Variants in UNC5D observed in about 807,000 individuals in gnomAD.
UNC5D encodes netrin receptor UNC5D.
UNC5D carries 39 observed loss-of-function variants against 105.4 expected under a neutral mutation model. The observed-to-expected ratio is 0.37, with a 90% CI of 0.29 to 0.48. UNC5D has a LOEUF of 0.48. Among genes scored for constraint, UNC5D ranks in the 20% least tolerant of loss-of-function variants. UNC5D has a pLI of 0.98. For missense variants in UNC5D, 991 were observed against 1,202.4 expected (o/e 0.82, Z 2.60); for synonymous variants, 452 against 450.4 (o/e 1.00, Z -0.04).
intron 1 of UNC5D, among the ~76,000 whole-genome samples, chr8:35,489,566 G>T (rs895218968): frequency 2.0e-5 from 3 of 152,146 alleles, no homozygotes; most frequent in African/African-American, 7.2e-5. Context: ...GTGAGGACAC[G>T]CAGGAAAAAT....
intron 1 of UNC5D, among the ~76,000 whole-genome samples, chr8:35,444,789 A>C (rs1245405152): frequency 1.3e-5 from 2 of 152,018 alleles, no homozygotes; most frequent in African/African-American, 4.8e-5. Context: ...TAGAATTCCA[A>C]GATTCCATAG....
At chr8:35,246,665 A>G (rs1803120696) in intron 1 of UNC5D, among the ~76,000 whole-genome samples, 1 of 152,114 alleles carries the variant, frequency 6.6e-6, no homozygotes, top group African/African-American at 2.4e-5. Context: ...TTCACGAAGC[A>G]TCACGACTCC....
intron 1 of UNC5D, among the ~76,000 whole-genome samples, chr8:35,303,212 A>G (rs1808091021): frequency 1.3e-5 from 2 of 152,178 alleles, no homozygotes; most frequent in Admixed American, 6.6e-5. Context: ...GGAAATACTT[A>G]TTTGATCTGC....
chr8:35,581,965 C>T (rs1818492368), intron 3 of UNC5D, among the ~76,000 whole-genome samples: 1 of 152,120 alleles, frequency 6.6e-6, no homozygotes, highest in South Asian at 2.1e-4. Context: ...CTCTTCTCTC[C>T]ACCTGATACA....
intron 3 of UNC5D, among the ~76,000 whole-genome samples, chr8:35,586,352 T>C (rs955410292): frequency 6.6e-6 from 1 of 152,116 alleles, no homozygotes; most frequent in Non-Finnish European, 1.5e-5. Flanking sequence ...GCGCAGATAA[T>C]GTGCCAAATA....
intron 3 of UNC5D, among the ~76,000 whole-genome samples, chr8:35,588,034 T>C (rs2130869902): frequency 6.9e-6 from 1 of 145,776 alleles, no homozygotes; most frequent in Admixed American, 7.1e-5. Flanking sequence ...TGGTAAGGTT[T>C]TGTATTTTTA....
At chr8:35,336,706 T>G (rs139170079) in intron 1 of UNC5D, among the ~76,000 whole-genome samples, 54 of 152,246 alleles carry the variant, frequency 3.5e-4, no homozygotes, top group African/African-American at 1.3e-3. Context: ...TTTTTTCCTT[T>G]CAAATGTGGA....
intron 1 of UNC5D, among the ~76,000 whole-genome samples, chr8:35,541,911 TAG>T: frequency 6.6e-6 from 1 of 152,320 alleles, no homozygotes; most frequent in Middle Eastern, 3.4e-3. Context: ...CGTGCTTTTG[TAG>T]AGTCTACTGA....
rs1029583265 is a variant in UNC5D at position 35,796,460 on chromosome 8, G to T, written c.*5897G>T. On this transcript the variant is annotated 3_prime_UTR_variant, in exon 17 of 17. Coordinates refer to ENST00000404895, the MANE Select transcript of UNC5D (RefSeq NM_080872.4). ...AAAAAAAAAAAAAAAAAACTGGATG[G>T]TTGCAGACTTTTCAAGATAAATGTA... 6.7e-6 allele frequency: 1 copy of T among 149,708 alleles called. No individual in the cohort carries two copies. The highest frequency in any genetic ancestry group is 1.5e-5 in the Non-Finnish European group (1 of 67,726). 9.3% of individuals were successfully genotyped at this position (149,708 alleles called of 1,614,324 possible).
intron 1 of UNC5D, among the ~76,000 whole-genome samples, chr8:35,286,497 G>A (rs1480369530): frequency 1.3e-5 from 2 of 152,114 alleles, no homozygotes; most frequent in Non-Finnish European, 2.9e-5. Flanking sequence ...GCAGTGGAGA[G>A]GTAATCCAAC....
chr8:35,739,277 A>C (rs1469009407), intron 11 of UNC5D, among the ~76,000 whole-genome samples: 1 of 152,158 alleles, frequency 6.6e-6, no homozygotes, highest in East Asian at 1.9e-4. Flanking sequence ...ATATAATGCC[A>C]TTAACCCACC....
chr8:35,316,914 C>T lies in UNC5D; in HGVS notation c.103+81027C>T, dbSNP rs929693502. Among the ~76,000 whole-genome samples the T allele has an allele frequency of 6.6e-5, 10 of 152,092 alleles. No individual in the cohort carries two copies. The South Asian group carries it at 1.0e-3, about 16-fold the overall frequency. ...ATTTAATCGTCGAAAGCAACCATGACAGTAGCAAGCCAATATATGAAAGAA... is the reference window on the plus strand; with the variant it reads ...ATTTAATCGTCGAAAGCAACCATGATAGTAGCAAGCCAATATATGAAAGAA... On this transcript the variant is annotated intron_variant, in intron 1 of 16. Coordinates refer to ENST00000404895, the MANE Select transcript of UNC5D (RefSeq NM_080872.4).
At chr8:35,572,801 T>A (rs1586161178) in intron 3 of UNC5D, among the ~76,000 whole-genome samples, 1 of 148,342 alleles carries the variant, frequency 6.7e-6, no homozygotes, top group East Asian at 1.9e-4. Flanking sequence ...CAATTTTATA[T>A]TTCTTTTTTT....
In UNC5D at chr8:35,259,012, G is replaced by T. The variant is rs145203089; in HGVS notation, c.103+23125G>T. Reference sequence around the variant, plus strand: ...AGTACTCTTCCCCCTGGCTGTTTAGGTCTGTCTGGGAAGGTGCATTCAACA... The same window carrying T: ...AGTACTCTTCCCCCTGGCTGTTTAGTTCTGTCTGGGAAGGTGCATTCAACA... On this transcript the variant is annotated intron_variant, in intron 1 of 16. Coordinates refer to ENST00000404895, the MANE Select transcript of UNC5D (RefSeq NM_080872.4). Among the ~76,000 whole-genome samples the T allele has an allele frequency of 2.5e-4, 38 of 152,248 alleles. No homozygotes were observed. In the East Asian group the frequency reaches 6.9e-3, roughly 28 times the overall value.
chr8:35,373,753 A>G (rs533672643), intron 1 of UNC5D, among the ~76,000 whole-genome samples: 2 of 152,320 alleles, frequency 1.3e-5, no homozygotes, highest in East Asian at 1.9e-4. Context: ...ACACAATTTG[A>G]AAGTTTAAAC....
chr8:35,283,423 A>G (rs1284799900), intron 1 of UNC5D, among the ~76,000 whole-genome samples: 3 of 152,154 alleles, frequency 2.0e-5, no homozygotes, highest in Non-Finnish European at 4.4e-5. Flanking sequence ...ACAAATTAGC[A>G]GAGGTCCTCA....
intron 3 of UNC5D, among the ~76,000 whole-genome samples, chr8:35,570,861 G>T (rs755894408): frequency 1.3e-5 from 2 of 152,044 alleles, no homozygotes; most frequent in Non-Finnish European, 2.9e-5. Flanking sequence ...GGGAGGCTGA[G>T]GTAGGAGAAT....
chr8:35,788,700 G>GCA lies in UNC5D; in HGVS notation c.2658-1639_2658-1638dup, dbSNP rs150561818. On this transcript the variant is annotated intron_variant, in intron 16 of 16. Transcript: ENST00000404895. Reference sequence around the variant, plus strand: ...TTGGGAAGGCAGAAAACACACACACGCACACACACACACACACACACGAAA... The same window carrying GCA: ...TTGGGAAGGCAGAAAACACACACACGCACACACACACACACACACACACGAAA... Among the ~76,000 whole-genome samples, 786 of 146,624 alleles carry GCA rather than the reference G, an allele frequency of 5.4e-3. 3 individuals carry two copies. Among genetic ancestry groups the GCA allele is most frequent in the Middle Eastern group, 0.014 (4 of 282 alleles).
chr8:35,657,096 AT>A (rs1823817802), intron 4 of UNC5D, among the ~76,000 whole-genome samples: 1 of 111,058 alleles, frequency 9.0e-6, no homozygotes, highest in Non-Finnish European at 2.0e-5. Context: ...ATATATATAT[AT>A]ATATATATAT....
Sources: allele counts gnomAD v4.1 joint callset (sites outside exome capture counted in the v4.1 genomes callset), GRCh38; gene constraint gnomAD v4.1.1; transcripts MANE v1.5; gene names NCBI Gene and HGNC (gene_info 2026-07-23, HGNC 2026-07-21).